Variants in SESN3 observed in about 807,000 individuals in gnomAD.
SESN3 encodes sestrin-3.
In SESN3, 21 loss-of-function variants were observed where a neutral mutation model predicts 55.3. The observed-to-expected ratio is 0.38, with a 90% CI of 0.27 to 0.55. The LOEUF is 0.55. Ranked by LOEUF, SESN3 falls within the 20% of genes least tolerant of loss-of-function variation. The probability of loss-of-function intolerance (pLI) is 0.76; values close to 1 mark genes in which losing one functional copy is unlikely to be tolerated. For synonymous variants in SESN3, 181 were observed against 203.1 expected, an observed-to-expected ratio of 0.89 and a Z score of 0.93; for missense variants, 408 against 604.3, an observed-to-expected ratio of 0.68 and a Z score of 3.41.
intron 1 of SESN3, among the ~76,000 whole-genome samples, chr11:95,195,182 CA>C (rs929410073): frequency 3.8e-4 from 57 of 151,628 alleles, no homozygotes; most frequent in Non-Finnish European, 7.2e-4. Context: ...ATTTTGGAAA[CA>C]AAAAATGATT....
intron 9 of SESN3, among the ~76,000 whole-genome samples, chr11:95,173,922 T>C (rs1859903621): frequency 6.6e-6 from 1 of 152,122 alleles, no homozygotes; most frequent in Non-Finnish European, 1.5e-5. Context: ...TATCCACAAG[T>C]TTTCAAAATT....
At position 95,171,086 on chromosome 11, in the gene SESN3, G is replaced by A. The variant is rs758807296; in HGVS notation, c.*2169C>T. 5 of 151,788 alleles carry A rather than the reference G, an allele frequency of 3.3e-5. No individual in the cohort carries two copies. Among genetic ancestry groups the A allele is most frequent in the South Asian group, 2.1e-4 (1 of 4,826 alleles). The allele number at this position is 151,788 out of a possible 1,614,324, so 9.4% of individuals were successfully genotyped here. A position where few individuals can be genotyped will look rare whatever the true frequency, so the allele number is the denominator to read the frequency against. On this transcript the variant is annotated 3_prime_UTR_variant, in exon 10 of 10. Transcript: ENST00000536441. ...CATTTTTTATCCTGTTATACAGTTC[G>A]CCTGCACAAAAATATAGGGCTATTA...
chr11:95,173,736 T>A (rs1565461139), intron 9 of SESN3, among the ~76,000 whole-genome samples: 1 of 152,042 alleles, frequency 6.6e-6, no homozygotes, highest in African/African-American at 2.4e-5. Context: ...TGAAAAGCTT[T>A]AAAAAATTTT....
chr11:95,230,850 C>T lies in SESN3; in HGVS notation c.11G>A (p.Gly4Asp), dbSNP rs372390215. ...GGCGGCGGCCGACGGGCTGCCGCCG[C>T]CCCGGTTCATCGTGGCTGCGGGCGC... MNR[G>D]GGSPSAAANY... is the part of the protein sequence containing the mutation. The change falls in exon 1 of 10, where the codon GGC becomes GAC. Residue 4 changes from glycine to aspartate, a missense_variant. Physicochemically the swap from Gly to Asp is moderately conservative, Grantham distance 94. This residue lies in a region of SESN3 where 61 missense variants were observed against 48.3 expected (regional missense o/e 1.26). Transcript: ENST00000536441. This position sits in a 1 kb window ranked among gnomAD's most constrained non-coding sequence, Gnocchi z 4.6. 2.3e-5 allele frequency: 36 copies of T among 1,582,410 alleles called. No homozygotes were observed. Among genetic ancestry groups the T allele is most frequent in the Non-Finnish European group, 2.8e-5 (33 of 1,169,290 alleles).
rs941520965 is a variant in SESN3, at chr11:95,230,752, T to C, written c.78+31A>G. 6.4e-6 allele frequency: 10 copies of C among 1,568,046 alleles called. No individual in the cohort carries two copies. In the Admixed American group the frequency reaches 1.0e-4, roughly 16 times the overall value. ...AGCCCCGGCCGGCAGGAAGCGACCC[T>C]CGCCGGCAGGACCCCGGGCCGAACC... On this transcript the variant is annotated intron_variant, in intron 1 of 9. Transcript: ENST00000536441. The surrounding 1 kb of genome is among the most constrained non-coding windows in gnomAD (Gnocchi z 4.6).
At chr11:95,228,098 T>C (rs1203332704) in intron 1 of SESN3, among the ~76,000 whole-genome samples, 1 of 152,180 alleles carries the variant, frequency 6.6e-6, no homozygotes, top group East Asian at 1.9e-4. Flanking sequence ...TCTCTTTATT[T>C]TGGAGGATAC....
At chr11:95,176,623 C>A (rs1488736233) in intron 8 of SESN3, among the ~76,000 whole-genome samples, 1 of 152,138 alleles carries the variant, frequency 6.6e-6, no homozygotes, top group Non-Finnish European at 1.5e-5. Context: ...TTCTCTGTTA[C>A]ATTTTCAGTT....
chr11:95,184,656 C>G (rs1040830625), intron 5 of SESN3, 62 bp from the exon 6 acceptor site: 2 of 1,463,512 alleles, frequency 1.4e-6, no homozygotes, highest in Non-Finnish European at 1.9e-6. Flanking sequence ...GTAAATATCT[C>G]CATCTCCAAA....
chr11:95,218,931 C>A (rs912972438), intron 1 of SESN3, among the ~76,000 whole-genome samples: 1 of 152,206 alleles, frequency 6.6e-6, no homozygotes, highest in Non-Finnish European at 1.5e-5. Flanking sequence ...GGATTACAGG[C>A]GTGAGCCGCC....
rs1859741296 is a variant in SESN3, at chr11:95,166,078, A to G, written c.*7177T>C. Reference sequence around the variant, plus strand: ...AAAGTGGCTGTTTATTAAGTTTGCTATTTTCAGAATTGAAACTATAAGACC... The same window carrying G: ...AAAGTGGCTGTTTATTAAGTTTGCTGTTTTCAGAATTGAAACTATAAGACC... On this transcript the variant is annotated 3_prime_UTR_variant, in exon 10 of 10. Transcript: ENST00000536441. 1 of 152,164 alleles carries G rather than the reference A, an allele frequency of 6.6e-6. No homozygotes were observed. Among genetic ancestry groups the G allele is most frequent in the Admixed American group, 6.5e-5 (1 of 15,278 alleles). 9.4% of individuals were successfully genotyped at this position (152,164 alleles called of 1,614,324 possible).
intron 1 of SESN3, among the ~76,000 whole-genome samples, chr11:95,229,100 A>G (rs1312729685): frequency 6.6e-6 from 1 of 152,276 alleles, no homozygotes; most frequent in Non-Finnish European, 1.5e-5. Flanking sequence ...ATTAAAAAGC[A>G]TAACTTGCTG....
chr11:95,177,760 G>A lies in SESN3; in HGVS notation c.1206C>T (p.Arg402=). ...AGTGAACATAGTTAAATAAAGCTCT[G>A]CGCAGCATGGTTGTGTCAACATCCT... ...THEDVDTTML[R]RALFNYVHCM... The change falls in exon 8 of 10, where the codon CGC becomes CGT. Residue 402 remains arginine, a synonymous_variant. Transcript: ENST00000536441. 6.2e-7 allele frequency: 1 copy of A among 1,612,618 alleles called. No homozygotes were observed. The highest frequency in any genetic ancestry group is 8.5e-7 in the Non-Finnish European group (1 of 1,179,412).
chr11:95,187,421 T>A (rs1430736512), intron 4 of SESN3, among the ~76,000 whole-genome samples: 11 of 152,038 alleles, frequency 7.2e-5, no homozygotes, highest in Non-Finnish European at 1.2e-4. Flanking sequence ...CTTTTAAAAA[T>A]TCATTACAAT....
rs1361647156 is a variant in SESN3, at chr11:95,173,227, A to G, written c.*28T>C. ...TATCTTATGTGAAAGGTCTTTACAC[A>G]TGTATGACATTTTCCTTGGGTGATA... On this transcript the variant is annotated 3_prime_UTR_variant, in exon 10 of 10. Coordinates refer to ENST00000536441, the MANE Select transcript of SESN3 (RefSeq NM_144665.4). 2 of 1,383,938 alleles carry G rather than the reference A, an allele frequency of 1.4e-6. No individual in the cohort carries two copies. Among genetic ancestry groups the G allele is most frequent in the Non-Finnish European group, 2.0e-6 (2 of 979,522 alleles). The allele number at this position is 1,383,938 out of a possible 1,614,324, so 85.7% of individuals were successfully genotyped here.
chr11:95,177,789 G>A lies in SESN3; in HGVS notation c.1177C>T (p.His393Tyr), dbSNP rs768817894. 6.2e-7 allele frequency: 1 copy of A among 1,611,040 alleles called. No individual in the cohort carries two copies. The highest frequency in any genetic ancestry group is 8.5e-7 in the Non-Finnish European group (1 of 1,178,996). The change falls in exon 8 of 10, where the codon CAT becomes TAT. Residue 393 changes from histidine (H) to tyrosine (Y), a missense_variant. Physicochemically the swap from His to Tyr is moderately conservative, Grantham distance 83. Around this residue, in one of 4 missense-constraint regions of SESN3, gnomAD observed 121 missense variants for 204.9 expected, o/e 0.59. Coordinates refer to ENST00000536441, the MANE Select transcript of SESN3 (RefSeq NM_144665.4). ...YNLTYNTMAT[H>Y]EDVDTTMLRR... is the part of the protein sequence containing the mutation. Reference sequence around the variant, plus strand: ...AGCATGGTTGTGTCAACATCCTCATGGGTGGCCATAGTGTTATATGTGAGA... The same window carrying A: ...AGCATGGTTGTGTCAACATCCTCATAGGTGGCCATAGTGTTATATGTGAGA...
rs1425873606 is a variant in SESN3 at position 95,166,039 on chromosome 11, G to A, written c.*7216C>T. The A allele has an allele frequency of 6.6e-6, 1 of 152,118 alleles. No homozygotes were observed. The highest frequency in any genetic ancestry group is 1.5e-5 in the Non-Finnish European group (1 of 67,990). 9.4% of individuals were successfully genotyped at this position (152,118 alleles called of 1,614,324 possible). A position where few individuals can be genotyped will look rare whatever the true frequency, so the allele number is the denominator to read the frequency against. On this transcript the variant is annotated 3_prime_UTR_variant, in exon 10 of 10. Transcript: ENST00000536441. ...CTATATCTACAGCAGGGTCTGGTTTGCCAGAACAAGTTTAAAGTGGCTGTT... is the reference window on the plus strand; with the variant it reads ...CTATATCTACAGCAGGGTCTGGTTTACCAGAACAAGTTTAAAGTGGCTGTT...
At chr11:95,191,679 T>C in intron 2 of SESN3, 78 bp from the exon 3 acceptor site, 1 of 1,002,158 alleles carries the variant, frequency 1.0e-6, no homozygotes, top group South Asian at 1.5e-5. Context: ...TATGCCACTA[T>C]TGAAGCAAAT....
intron 1 of SESN3, among the ~76,000 whole-genome samples, chr11:95,216,835 T>C (rs1008489644): frequency 2.0e-5 from 3 of 151,586 alleles, no homozygotes; most frequent in Non-Finnish European, 4.4e-5. Context: ...TGGCCAGGCA[T>C]AGTGGCTCAC....
chr11:95,220,611 C>T (rs147859089), intron 1 of SESN3, among the ~76,000 whole-genome samples: 26 of 152,204 alleles, frequency 1.7e-4, no homozygotes, highest in Non-Finnish European at 2.2e-4. Context: ...AAATAAGATA[C>T]AATACAAATG....
Sources: allele counts gnomAD v4.1 joint callset (sites outside exome capture counted in the v4.1 genomes callset), GRCh38; gene constraint gnomAD v4.1.1; regional missense constraint gnomAD v4.1.1; non-coding constraint Gnocchi (gnomAD v3.1); transcripts MANE v1.5; gene names NCBI Gene and HGNC (gene_info 2026-07-23, HGNC 2026-07-21).